The following DNAH10 variants were observed in gnomAD, a reference collection of about 807,000 sequenced individuals.
DNAH10 encodes the protein axonemal beta dynein heavy chain 10.
Under a neutral mutation model 506.6 loss-of-function variants are expected in DNAH10, and 348 were observed. The ratio of observed to expected loss-of-function variants is 0.69; its 90% CI spans 0.63 to 0.75. DNAH10 has a LOEUF of 0.75. DNAH10 is among the 30% of genes least tolerant of loss of function. DNAH10 has a pLI of 0.00. For synonymous variants in DNAH10, 2,059 were observed against 2,198.6 expected, an observed-to-expected ratio of 0.94 and a Z score of 1.78; for missense variants, 5,179 against 5,787.1, an observed-to-expected ratio of 0.89 and a Z score of 3.41.
At chr12:123,837,739 T>C (rs1327299012) in intron 28 of DNAH10, among the ~76,000 whole-genome samples, 1 of 148,006 alleles carries the variant, frequency 6.8e-6, no homozygotes, top group Non-Finnish European at 1.5e-5. Context: ...CACACCCGGC[T>C]AACTTAAAAA....
chr12:123,843,882 A>G (rs576728182), intron 30 of DNAH10, among the ~76,000 whole-genome samples: 2 of 152,174 alleles, frequency 1.3e-5, no homozygotes, highest in Admixed American at 1.3e-4. Context: ...TCGGCCTCCT[A>G]CTCTTTTAAA....
intron 21 of DNAH10, among the ~76,000 whole-genome samples, chr12:123,815,711 A>G (rs1959121322): frequency 6.6e-6 from 1 of 152,236 alleles, no homozygotes; most frequent in Admixed American, 6.5e-5. Context: ...CAATGGGGAT[A>G]TATTCTGAGA....
Position 123,918,692 on chromosome 12 carries a change from A to C in DNAH10, c.11249A>C (p.Lys3750Thr). The change falls in exon 65 of 79, where the codon AAG becomes ACG. Residue 3750 changes from lysine to threonine, a missense_variant. Lys to Thr is a moderately conservative substitution (Grantham distance 78, BLOSUM62 -1). This residue lies in a region of DNAH10 where 4,844 missense variants were observed against 5,430.5 expected (regional missense o/e 0.89). Transcript: ENST00000673944. ...TTTCTTCAGGTCTCAGAGAAACTCA[A>C]GCTGGCGGAGAAGACAGCCTTGGAC... ...SKATEVSEKL[K>T]LAEKTALDID... The C allele has an allele frequency of 6.4e-7, 1 of 1,556,774 alleles. No homozygotes were observed.
At position 123,853,454 on chromosome 12, in the gene DNAH10, G is replaced by A; in HGVS notation, c.6438+102G>A. 2.1e-6 allele frequency: 3 copies of A among 1,400,334 alleles called. No individual in the cohort carries two copies. Among genetic ancestry groups the A allele is most frequent in the South Asian group, 3.4e-5 (2 of 59,290 alleles). 86.7% of individuals were successfully genotyped at this position (1,400,334 alleles called of 1,614,324 possible). ...GGCACAGTATGGTATCACCTGAAAG[G>A]TTTAAGTCTTAGCTGCCTCTTCACC... On this transcript the variant is annotated intron_variant, in intron 36 of 78. Coordinates refer to ENST00000673944, the MANE Select transcript of DNAH10 (RefSeq NM_001372106.1). This position sits in a 1 kb window ranked among gnomAD's most constrained non-coding sequence, Gnocchi z 4.7.
intron 25 of DNAH10, among the ~76,000 whole-genome samples, chr12:123,827,413 A>T (rs1419302099): frequency 6.6e-6 from 1 of 152,238 alleles, no homozygotes. Flanking sequence ...TGTGTATTTT[A>T]TATCTATAGC....
chr12:123,848,090 T>C lies in DNAH10; in HGVS notation c.5944T>C (p.Tyr1982His), dbSNP rs1951028178. The change falls in exon 33 of 79, where the codon TAC becomes CAC. Residue 1982 changes from tyrosine to histidine, a missense_variant. Around this residue, in one of 3 missense-constraint regions of DNAH10, gnomAD observed 4,844 missense variants for 5,430.5 expected, o/e 0.89. Transcript: ENST00000673944. ...VVTNCGEGMD[Y>H]RAVGKIFSGL... ...CACCAACTGTGGCGAAGGCATGGAT[T>C]ACAGGGTAAGGCCTGGCTGTCACCT... The C allele has an allele frequency of 6.2e-7, 1 of 1,613,256 alleles. No individual in the cohort carries two copies. The highest frequency in any genetic ancestry group is 8.5e-7 in the Non-Finnish European group (1 of 1,179,508).
chr12:123,839,019 ACCTGGGCTGGTCTCTAACT>A (rs1455494032), intron 29 of DNAH10, among the ~76,000 whole-genome samples: 1 of 152,018 alleles, frequency 6.6e-6, no homozygotes, highest in Non-Finnish European at 1.5e-5. Context: ...TCACTGTGTT[ACCTGGGCTGGTCTCTAACT>A]CCTGAGCTCA....
At position 123,826,722 on chromosome 12, in the gene DNAH10, C is replaced by T. The variant is rs1177389300; in HGVS notation, c.4215C>T (p.Ile1405=). 6.2e-7 allele frequency: 1 copy of T among 1,613,674 alleles called. No individual in the cohort carries two copies. The highest frequency in any genetic ancestry group is 1.7e-5 in the Admixed American group (1 of 59,990). ...AKEEWSQTLW[I]NLNVQILQEG... ...AAGAATGGTCTCAGACCCTTTGGAT[C>T]AACCTGAATGTGCAGATTCTCCAGG... Residue 1405 remains isoleucine (I), a synonymous_variant, in exon 25 of 79, where the codon ATC becomes ATT. Transcript: ENST00000673944.
rs1222809019 is a variant in DNAH10, at chr12:123,848,710, T to C, written c.5950-20T>C. The C allele has an allele frequency of 5.6e-6, 9 of 1,613,548 alleles. No individual in the cohort carries two copies. The highest frequency in any genetic ancestry group is 7.6e-6 in the Non-Finnish European group (9 of 1,179,542). ...TTAAAGATGAAAATTGCCCTTGTCC[T>C]GACATGTCTTTCTTCCTAGGCCGTG... On this transcript the variant is annotated intron_variant, in intron 33 of 78. Coordinates refer to ENST00000673944, the MANE Select transcript of DNAH10 (RefSeq NM_001372106.1).
chr12:123,918,629 C>T (rs1459260273), intron 64 of DNAH10, 47 bp from the exon 65 acceptor site: 1 of 1,525,658 alleles, frequency 6.6e-7, no homozygotes, highest in East Asian at 2.3e-5. Flanking sequence ...GCCCTCTGCC[C>T]ACATCTCAGT....
At chr12:123,840,702 CCT>C (rs1368009859) in intron 29 of DNAH10, among the ~76,000 whole-genome samples, 1 of 152,174 alleles carries the variant, frequency 6.6e-6, no homozygotes, top group East Asian at 1.9e-4. Flanking sequence ...GCCTTCCTCT[CCT>C]CTCTGATTTG....
intron 5 of DNAH10, among the ~76,000 whole-genome samples, chr12:123,776,615 G>A (rs1248525864): frequency 2.0e-5 from 3 of 149,236 alleles, no homozygotes; most frequent in African/African-American, 5.0e-5. Flanking sequence ...CAGCCTGGGT[G>A]ACAGAGAGAT....
At chr12:123,918,248 G>A (rs181473814) in intron 64 of DNAH10, among the ~76,000 whole-genome samples, 18 of 152,262 alleles carry the variant, frequency 1.2e-4, no homozygotes, top group African/African-American at 3.9e-4. Flanking sequence ...ACGTCCTCTC[G>A]GGTCCAAACC....
chr12:123,802,314 T>C (rs1483129822), intron 16 of DNAH10, among the ~76,000 whole-genome samples: 1 of 152,156 alleles, frequency 6.6e-6, no homozygotes, highest in Non-Finnish European at 1.5e-5. Flanking sequence ...TTGTTGTTGT[T>C]GTTGTTTTGA....
At chr12:123,804,394 G>A (rs1649984232) in intron 17 of DNAH10, among the ~76,000 whole-genome samples, 1 of 151,850 alleles carries the variant, frequency 6.6e-6, no homozygotes, top group Non-Finnish European at 1.5e-5. Flanking sequence ...GCGTGGTGGT[G>A]GGCACCTGTA....
At chr12:123,905,600 CATT>C (rs1953738081) in intron 57 of DNAH10, among the ~76,000 whole-genome samples, 1 of 151,074 alleles carries the variant, frequency 6.6e-6, no homozygotes, top group African/African-American at 2.4e-5. Flanking sequence ...TTTTAATTTG[CATT>C]TCTCTTAGTG....
intron 51 of DNAH10, among the ~76,000 whole-genome samples, chr12:123,886,480 C>CGTGTGTGTGTGCACACGT (rs60439290): frequency 4.0e-5 from 6 of 151,628 alleles, no homozygotes; most frequent in Non-Finnish European, 8.8e-5. Flanking sequence ...CGCGCGCGCG[C>CGTGTGTGTGTGCACACGT]GTGTGTGTGC....
chr12:123,896,148 C>CAGAG (rs71444923), intron 54 of DNAH10, among the ~76,000 whole-genome samples: 89 of 95,242 alleles, frequency 9.3e-4, no homozygotes, highest in African/African-American at 1.6e-3. Flanking sequence ...CACACACACA[C>CAGAG]AGAGAGAGAG....
In DNAH10 at chr12:123,875,231, G is replaced by A. The variant is rs1952205745; in HGVS notation, c.7939G>A (p.Val2647Met). 6.2e-7 allele frequency: 1 copy of A among 1,606,068 alleles called. No individual in the cohort carries two copies. Among genetic ancestry groups the A allele is most frequent in the Non-Finnish European group, 8.5e-7 (1 of 1,175,528 alleles). The change falls in exon 47 of 79, where the codon GTG (valine) becomes ATG (methionine). Residue 2647 changes from valine (V) to methionine (M), a missense_variant and splice_region_variant. By Grantham distance (21) the Val-to-Met change is conservative (BLOSUM62 1). Coordinates refer to ENST00000673944, the MANE Select transcript of DNAH10 (RefSeq NM_001372106.1). The stretch of plus-strand genomic sequence containing the variant: ...CTTTTCTTTTTTAAAAAAAATCAAG[G>A]TGGATGAATATGGCACGCAGCAGCC... ...VFMDDMNMPRVDEYGTQQPIA... is the reference protein window; with the variant it reads ...VFMDDMNMPRMDEYGTQQPIA...
Sources: allele counts gnomAD v4.1 joint callset (sites outside exome capture counted in the v4.1 genomes callset), GRCh38; gene constraint gnomAD v4.1.1; regional missense constraint gnomAD v4.1.1; non-coding constraint Gnocchi (gnomAD v3.1); transcripts MANE v1.5; gene names NCBI Gene and HGNC (gene_info 2026-07-23, HGNC 2026-07-21).